Variants in MYOM2 observed in about 807,000 individuals in gnomAD.
MYOM2 encodes myomesin 2, also known as myomesin-2.
Under a neutral mutation model 187.6 loss-of-function variants are expected in MYOM2, and 254 were observed. The ratio of observed to expected loss-of-function variants is 1.35; its 90% CI spans 1.22 to 1.50. The LOEUF (loss-of-function observed/expected upper bound fraction) is 1.50, where lower values mean the gene tolerates loss of function less well. MYOM2 is among the 40% of genes most tolerant of loss of function. The probability of loss-of-function intolerance (pLI) is 0.00; values close to 1 mark genes in which losing one functional copy is unlikely to be tolerated. For missense variants in MYOM2, 2,796 were observed against 1,924.0 expected (o/e 1.45, Z -8.48); for synonymous variants, 981 against 753.8 (o/e 1.30, Z -4.94).
At position 2,123,361 on chromosome 8, in the gene MYOM2, C is replaced by T. The variant is rs781147562; in HGVS notation, c.3563C>T (p.Pro1188Leu). 1.9e-6 allele frequency: 3 copies of T among 1,597,440 alleles called. No homozygotes were observed. Among genetic ancestry groups the T allele is most frequent in the African/African-American group, 2.8e-5 (2 of 71,986 alleles). ...AGGGGAATCTGTGAGCTCCTCATCC[C>T]AAAGGTATCAGGCATTGAGTAACAC... ...LERGICELLI[P>L]KLSKKDHGEY... The change falls in exon 29 of 37, where the codon CCA becomes CTA. Residue 1188 changes from proline to leucine, a missense_variant. Transcript: ENST00000262113.
At chr8:2,141,452 C>T (rs190952352) in intron 34 of MYOM2, among the ~76,000 whole-genome samples, 2 of 152,320 alleles carry the variant, frequency 1.3e-5, no homozygotes, top group Admixed American at 6.5e-5. Context: ...AAAAGAAACA[C>T]GCAAAGCAGA....
At chr8:2,114,779 TTC>T (rs1797182937) in intron 25 of MYOM2, among the ~76,000 whole-genome samples, 1 of 152,068 alleles carries the variant, frequency 6.6e-6, no homozygotes, top group Admixed American at 6.6e-5. Context: ...CTAACAAAAT[TTC>T]TTTTTTCTTT....
chr8:2,065,531 C>T (rs1472746161), intron 6 of MYOM2, among the ~76,000 whole-genome samples: 1 of 152,202 alleles, frequency 6.6e-6, no homozygotes, highest in East Asian at 1.9e-4. Flanking sequence ...GATCACGCCA[C>T]TGCACTTCAG....
Position 2,145,119 on chromosome 8 carries a change from T to C in MYOM2, c.*138T>C, listed in dbSNP as rs1009961781. On this transcript the variant is annotated 3_prime_UTR_variant, in exon 37 of 37. Transcript: ENST00000262113. ...GTTGATCACACATTGTGCTTTTGAT[T>C]TTTGCATTTGGTGATGAATATTTTA... 2.1e-6 allele frequency: 2 copies of C among 949,700 alleles called. No individual in the cohort carries two copies. The highest frequency in any genetic ancestry group is 2.9e-5 in the Admixed American group (1 of 34,736). 58.8% of individuals were successfully genotyped at this position (949,700 alleles called of 1,614,324 possible). A position where few individuals can be genotyped will look rare whatever the true frequency, so the allele number is the denominator to read the frequency against.
At chr8:2,079,094 A>G (rs1454843980) in intron 12 of MYOM2, among the ~76,000 whole-genome samples, 161 bp downstream of exon 12, 3 of 152,304 alleles carry the variant, frequency 2.0e-5, no homozygotes, top group African/African-American at 7.2e-5. Flanking sequence ...CATCTCCACC[A>G]ACATCACTAC....
At chr8:2,071,650 G>A (rs997883211) in intron 8 of MYOM2, among the ~76,000 whole-genome samples, 4 of 152,152 alleles carry the variant, frequency 2.6e-5, no homozygotes, top group Non-Finnish European at 5.9e-5. Flanking sequence ...CCGCAAAGTC[G>A]ACTTTGTGAC....
At chr8:2,139,812 C>T (rs1798213261) in intron 32 of MYOM2, among the ~76,000 whole-genome samples, 1 of 152,216 alleles carries the variant, frequency 6.6e-6, no homozygotes, top group African/African-American at 2.4e-5. Flanking sequence ...ACACTTTTGT[C>T]TGCAGTAAAC....
At chr8:2,124,798 G>A (rs1797581016) in intron 31 of MYOM2, among the ~76,000 whole-genome samples, 1 of 152,124 alleles carries the variant, frequency 6.6e-6, no homozygotes, top group Non-Finnish European at 1.5e-5. Flanking sequence ...ACAGGTGTGA[G>A]ATGATATCTC....
At chr8:2,131,621 A>G (rs981762715) in intron 32 of MYOM2, among the ~76,000 whole-genome samples, 1 of 150,164 alleles carries the variant, frequency 6.7e-6, no homozygotes, top group South Asian at 2.1e-4. Flanking sequence ...AATTCATTAT[A>G]CAACAAAACA....
intron 32 of MYOM2, among the ~76,000 whole-genome samples, chr8:2,139,241 A>G (rs531439521): frequency 2.1e-4 from 32 of 152,344 alleles, no homozygotes; most frequent in Admixed American, 5.9e-4. Context: ...CCTCGGGCTC[A>G]GGCAGTCCTC....
chr8:2,110,843 C>T (rs1003867284), intron 25 of MYOM2, among the ~76,000 whole-genome samples: 2 of 85,872 alleles, frequency 2.3e-5, no homozygotes, highest in Admixed American at 1.1e-4. Flanking sequence ...AGACAGAAGT[C>T]TTGCAGGTAA....
In MYOM2 at chr8:2,136,019, C is replaced by T. The variant is rs143139806; in HGVS notation, c.3801-4704C>T. On this transcript the variant is annotated intron_variant, in intron 32 of 36. Coordinates refer to ENST00000262113, the MANE Select transcript of MYOM2 (RefSeq NM_003970.4). ...GCCAGGGTTGCAGACGCAGGGACAG[C>T]GGGAGCCTCTGCTGGAAGCTCTGCT... Among the ~76,000 whole-genome samples, 460 of 152,278 alleles carry T rather than the reference C, an allele frequency of 3.0e-3. 4 individuals are homozygous for T. Among genetic ancestry groups the T allele is most frequent in the African/African-American group, 0.01 (417 of 41,554 alleles).
In MYOM2 at chr8:2,075,036, C is replaced by A. The variant is rs1229675310; in HGVS notation, c.1121-1105C>A. Among the ~76,000 whole-genome samples the A allele has an allele frequency of 2.0e-5, 3 of 152,240 alleles. 1 individual carries two copies. The highest frequency in any genetic ancestry group is 7.2e-5 in the African/African-American group (3 of 41,472). ...TGGGGTGCAGGACGCATCCATACAT[C>A]TTCATGATTACTTTTTCCATTGCAT... On this transcript the variant is annotated intron_variant, in intron 10 of 36. Coordinates refer to ENST00000262113, the MANE Select transcript of MYOM2 (RefSeq NM_003970.4).
chr8:2,082,414 T>C (rs1174016380), intron 13 of MYOM2, among the ~76,000 whole-genome samples: 1 of 152,210 alleles, frequency 6.6e-6, no homozygotes, highest in Non-Finnish European at 1.5e-5. Context: ...TCTTTTACCA[T>C]TGCTTTAGCT....
At chr8:2,140,327 A>T (rs55996305) in intron 32 of MYOM2, among the ~76,000 whole-genome samples, 3 of 151,682 alleles carry the variant, frequency 2.0e-5, no homozygotes, top group Non-Finnish European at 4.4e-5. Flanking sequence ...CGTGAACGAT[A>T]CTACGAAGGA....
chr8:2,107,506 G>A (rs771607388), intron 23 of MYOM2, among the ~76,000 whole-genome samples: 30 of 152,120 alleles, frequency 2.0e-4, no homozygotes, highest in Admixed American at 8.5e-4. Flanking sequence ...ACCCAGGATC[G>A]GTGCTGTGGG....
At chr8:2,078,313 C>T (rs762149604) in intron 11 of MYOM2, among the ~76,000 whole-genome samples, 5 of 152,206 alleles carry the variant, frequency 3.3e-5, no homozygotes, top group Non-Finnish European at 5.9e-5. Flanking sequence ...GCAGAGGGGG[C>T]TGAGCCTGTT....
intron 11 of MYOM2, among the ~76,000 whole-genome samples, chr8:2,078,378 T>C (rs1430776759): frequency 6.6e-6 from 1 of 152,216 alleles, no homozygotes; most frequent in Non-Finnish European, 1.5e-5. Flanking sequence ...GCCGTGACTA[T>C]GTCACGTAAG....
At chr8:2,086,478 A>ATGATCTCCGCGTGGCCCCCCACAGTCG (rs1796071682) in intron 14 of MYOM2, among the ~76,000 whole-genome samples, 1 of 102,762 alleles carries the variant, frequency 9.7e-6, no homozygotes, top group African/African-American at 5.0e-5. Context: ...ACACACTGTC[A>ATGATCTCCGCGTGGCCCCCCACAGTCG]TGATCTCTGT....
Sources: gnomAD v4.1 joint callset for allele counts (sites outside exome capture counted in the v4.1 genomes callset) on GRCh38, gnomAD v4.1.1 for gene constraint, MANE v1.5 for transcripts, NCBI Gene and HGNC (gene_info 2026-07-23, HGNC 2026-07-21) for gene names.